PTPRG: variants seen among roughly 807,000 people sequenced by gnomAD.
The protein encoded by PTPRG is receptor-type tyrosine-protein phosphatase gamma.
A neutral mutation model predicts 165.3 loss-of-function variants in PTPRG; 102 were observed. The observed-to-expected ratio is 0.62, with a 90% CI of 0.53 to 0.73. PTPRG has a LOEUF of 0.73. Ranked by LOEUF, PTPRG falls within the 30% of genes least tolerant of loss-of-function variation. The probability of loss-of-function intolerance (pLI) is 0.00; values close to 1 mark genes in which losing one functional copy is unlikely to be tolerated. For missense variants in PTPRG, 1,866 were observed against 1,861.4 expected, an observed-to-expected ratio of 1.00 and a Z score of -0.05; for synonymous variants, 675 against 669.5, an observed-to-expected ratio of 1.01 and a Z score of -0.13.
intron 4 of PTPRG, among the ~76,000 whole-genome samples, chr3:62,018,349 C>T (rs1359895072): frequency 2.0e-5 from 3 of 152,164 alleles, no homozygotes. Flanking sequence ...GATAAAAAGC[C>T]GTGCATCTTT....
chr3:61,699,379 T>C (rs1263256283), intron 1 of PTPRG, among the ~76,000 whole-genome samples: 1 of 152,178 alleles, frequency 6.6e-6, no homozygotes, highest in Non-Finnish European at 1.5e-5. Flanking sequence ...TGTTGTGATA[T>C]TATAAGTCAT....
intron 4 of PTPRG, among the ~76,000 whole-genome samples, chr3:62,052,520 T>G (rs1047906499): frequency 1.3e-5 from 2 of 152,084 alleles, no homozygotes; most frequent in African/African-American, 4.8e-5. Flanking sequence ...TAGCTGAGAT[T>G]GCATCTCTAC....
intron 3 of PTPRG, among the ~76,000 whole-genome samples, chr3:61,990,682 C>T (rs539998158): frequency 6.6e-6 from 1 of 152,184 alleles, no homozygotes; most frequent in Non-Finnish European, 1.5e-5. Context: ...ATATTTTTCA[C>T]TCTTATTACT....
chr3:62,017,000 C>A (rs976669779), intron 4 of PTPRG, among the ~76,000 whole-genome samples: 17 of 152,024 alleles, frequency 1.1e-4, no homozygotes, highest in Non-Finnish European at 4.4e-5. Flanking sequence ...TTATTGATTT[C>A]TTTACTTATT....
chr3:61,906,528 G>T (rs2038661329), intron 2 of PTPRG, among the ~76,000 whole-genome samples: 1 of 152,046 alleles, frequency 6.6e-6, no homozygotes, highest in Admixed American at 6.6e-5. Flanking sequence ...TCAGCACTTT[G>T]TGAGGTCGAG....
intron 3 of PTPRG, among the ~76,000 whole-genome samples, chr3:61,997,372 T>C (rs1432972313): frequency 2.0e-5 from 3 of 152,186 alleles, no homozygotes; most frequent in African/African-American, 7.2e-5. Context: ...CCCATTTCTC[T>C]TGGGACAAAC....
At chr3:61,807,410 T>C (rs1411045959) in intron 2 of PTPRG, among the ~76,000 whole-genome samples, 3 of 152,214 alleles carry the variant, frequency 2.0e-5, no homozygotes, top group Non-Finnish European at 4.4e-5. Context: ...CCAGTGACAT[T>C]GTCAGAACTT....
intron 1 of PTPRG, among the ~76,000 whole-genome samples, chr3:61,701,860 G>A (rs1201953258): frequency 6.6e-6 from 1 of 152,110 alleles, no homozygotes; most frequent in South Asian, 2.1e-4. Context: ...ACTGTACTCA[G>A]CCTGGGTGAC....
At chr3:61,690,494 G>A (rs7653483) in intron 1 of PTPRG, among the ~76,000 whole-genome samples, 1 of 152,170 alleles carries the variant, frequency 6.6e-6, no homozygotes, top group African/African-American at 2.4e-5. Flanking sequence ...GCAAAGTGGA[G>A]GAATTACTGC....
chr3:61,594,780 G>T (rs1355116151), intron 1 of PTPRG, among the ~76,000 whole-genome samples: 1 of 152,196 alleles, frequency 6.6e-6, no homozygotes, highest in Non-Finnish European at 1.5e-5. Flanking sequence ...TAATCTGGCA[G>T]TCCTGCTTTC....
At chr3:61,976,571 G>T (rs2040511910) in intron 2 of PTPRG, among the ~76,000 whole-genome samples, 1 of 152,134 alleles carries the variant, frequency 6.6e-6, no homozygotes, top group Non-Finnish European at 1.5e-5. Flanking sequence ...ATAGAATATT[G>T]ACTTCCTTTT....
chr3:62,220,985 A>C (rs1023784338), intron 13 of PTPRG, among the ~76,000 whole-genome samples: 1 of 152,216 alleles, frequency 6.6e-6, no homozygotes, highest in Non-Finnish European at 1.5e-5. Context: ...AGTGACCAAG[A>C]AGGACCATGG....
At chr3:61,813,890 CTT>C (rs58457367) in intron 2 of PTPRG, among the ~76,000 whole-genome samples, 20 of 133,396 alleles carry the variant, frequency 1.5e-4, no homozygotes, top group Admixed American at 1.5e-4. Flanking sequence ...GAGATACTGG[CTT>C]TTTTTTTTTT....
Position 61,857,196 on chromosome 3 carries a change from C to T in PTPRG, c.190+108214C>T, listed in dbSNP as rs146774779. Among the ~76,000 whole-genome samples the T allele has an allele frequency of 7.5e-3, 1,144 of 152,008 alleles. 8 individuals are homozygous for T. Among genetic ancestry groups the T allele is most frequent in the Non-Finnish European group, 0.01 (691 of 67,984 alleles). On this transcript the variant is annotated intron_variant, in intron 2 of 29. Transcript: ENST00000474889. ...CTCCAGAAATCTCATATTGTAAAAT[C>T]TTTAGAATTAAAAAATCCTTATACA...
At chr3:61,876,594 A>C (rs1017910646) in intron 2 of PTPRG, among the ~76,000 whole-genome samples, 19 of 152,200 alleles carry the variant, frequency 1.2e-4, no homozygotes, top group African/African-American at 4.6e-4. Flanking sequence ...ATTAGTATGC[A>C]TAACAAAACT....
At chr3:61,855,729 C>G (rs562584709) in intron 2 of PTPRG, among the ~76,000 whole-genome samples, 9 of 135,860 alleles carry the variant, frequency 6.6e-5, no homozygotes, top group African/African-American at 2.5e-4. Flanking sequence ...TCTCTTAGTA[C>G]TTCTCATACT....
intron 2 of PTPRG, chr3:61,753,759 C>T (rs680633): frequency 0.43 from 141,489 of 326,896 alleles, 31,481 homozygotes; most frequent in African/African-American, 0.51. Context: ...ACACTCCCAG[C>T]TAATTTGTGT....
intron 1 of PTPRG, among the ~76,000 whole-genome samples, chr3:61,712,474 A>G (rs1320419257): frequency 6.6e-6 from 1 of 151,982 alleles, no homozygotes; most frequent in Non-Finnish European, 1.5e-5. Flanking sequence ...CGAAGGAGGG[A>G]CCTGGTGGGA....
chr3:61,571,385 A>T (rs1252579542), intron 1 of PTPRG, among the ~76,000 whole-genome samples: 2 of 152,216 alleles, frequency 1.3e-5, no homozygotes, highest in East Asian at 3.8e-4. Flanking sequence ...CTAATTGCAC[A>T]GGAGGGCCAA....
Sources: allele counts gnomAD v4.1 joint callset (sites outside exome capture counted in the v4.1 genomes callset), GRCh38; gene constraint gnomAD v4.1.1; transcripts MANE v1.5; gene names NCBI Gene and HGNC (gene_info 2026-07-23, HGNC 2026-07-21).